Variants in XRCC1 observed in about 807,000 individuals in gnomAD.
XRCC1 encodes the protein DNA repair protein XRCC1.
XRCC1 carries 52 observed loss-of-function variants against 83.3 expected under a neutral mutation model. That is an observed-to-expected ratio of 0.62 (90% confidence interval 0.50 to 0.79). The LOEUF (loss-of-function observed/expected upper bound fraction) is 0.79, where lower values mean the gene tolerates loss of function less well. Among genes scored for constraint, XRCC1 ranks in the 30% least tolerant of loss-of-function variants. XRCC1 has a pLI of 0.00. For missense variants in XRCC1, 793 were observed against 823.5 expected (o/e 0.96, Z 0.45); for synonymous variants, 281 against 312.6 (o/e 0.90, Z 1.07).
chr19:43,543,669 CAT>C lies in XRCC1; in HGVS notation c.1729_1730del (p.Met577GlufsTer2), dbSNP rs753162451. 3 of 1,613,826 alleles carry C rather than the reference CAT, an allele frequency of 1.9e-6. No individual in the cohort carries two copies. In the African/African-American group the frequency reaches 4.0e-5, roughly 22 times the overall value. On this transcript the variant is annotated frameshift_variant, in exon 16 of 17. Coordinates refer to ENST00000262887, the MANE Select transcript of XRCC1 (RefSeq NM_006297.3). LOFTEE classifies it high-confidence loss of function. ...TAFNGELEDY[M>X]SDRVQFVITA... Reference sequence around the variant, plus strand: ...TGATCACAAACTGAACCCGGTCACTCATATAGTCCTCGAGCTCCCTGGCGGGA... The same window carrying C: ...TGATCACAAACTGAACCCGGTCACTCATAGTCCTCGAGCTCCCTGGCGGGA...
In XRCC1 at chr19:43,554,762, G is replaced by T. The variant is rs950862209; in HGVS notation, c.298C>A (p.Arg100Ser). 2 of 1,613,838 alleles carry T rather than the reference G, an allele frequency of 1.2e-6. No homozygotes were observed. Among genetic ancestry groups the T allele is most frequent in the Non-Finnish European group, 1.7e-6 (2 of 1,179,782 alleles). ...ACGCGGTTGGGGTTTGAGCCACTGC[G>T]GCTCTCGGAAGGGGACATGAAAGAT... is the stretch of plus-strand genomic sequence containing the variant. The part of the protein sequence containing the change: ...TSSFMSPSES[R>S]SGSNPNRVRM... Residue 100 changes from arginine (R) to serine (S), a missense_variant, in exon 4 of 17, where the codon CGC (arginine) becomes AGC (serine). Transcript: ENST00000262887.
intron 2 of XRCC1, among the ~76,000 whole-genome samples, chr19:43,561,775 G>GC (rs1972701886): frequency 6.6e-6 from 1 of 152,198 alleles, no homozygotes; most frequent in Non-Finnish European, 1.5e-5. Context: ...GGCCATGCGG[G>GC]CACGGGAGGC....
chr19:43,558,169 G>T (rs1972658438), intron 3 of XRCC1, among the ~76,000 whole-genome samples: 2 of 151,954 alleles, frequency 1.3e-5, no homozygotes, highest in African/African-American at 4.8e-5. Context: ...TTCTCACCTT[G>T]TCACACTGAC....
At chr19:43,561,197 G>A (rs546706878) in intron 2 of XRCC1, among the ~76,000 whole-genome samples, 177 bp from the exon 3 acceptor site, 5 of 152,138 alleles carry the variant, frequency 3.3e-5, no homozygotes, top group Non-Finnish European at 7.4e-5. Flanking sequence ...GTATGGCATG[G>A]AGCAGAAACT....
chr19:43,551,793 A>G, intron 9 of XRCC1, 106 bp from the exon 10 acceptor site: 1 of 1,052,194 alleles, frequency 9.5e-7, no homozygotes, highest in Non-Finnish European at 1.5e-6. Flanking sequence ...ACAGACAGAC[A>G]GATCATGAGA....
At chr19:43,569,556 G>A (rs1972787573) in intron 2 of XRCC1, among the ~76,000 whole-genome samples, 1 of 151,948 alleles carries the variant, frequency 6.6e-6, no homozygotes, top group African/African-American at 2.4e-5. Context: ...GCCAAGGCAG[G>A]TGGATCACTA....
chr19:43,571,657 C>A (rs1972807708), intron 2 of XRCC1, among the ~76,000 whole-genome samples: 1 of 152,198 alleles, frequency 6.6e-6, no homozygotes. Flanking sequence ...GCATAGGCCA[C>A]CACGCTTGGC....
intron 2 of XRCC1, among the ~76,000 whole-genome samples, chr19:43,570,992 C>G (rs1445833688): frequency 6.6e-6 from 1 of 152,228 alleles, no homozygotes; most frequent in Admixed American, 6.5e-5. Context: ...ATGCTGATCT[C>G]CCACTCCTGT....
chr19:43,559,774 A>C (rs1044770693), intron 3 of XRCC1, among the ~76,000 whole-genome samples: 4 of 152,032 alleles, frequency 2.6e-5, no homozygotes, highest in Non-Finnish European at 5.9e-5. Context: ...AAGTGTCATC[A>C]TAAGGGTCTT....
chr19:43,557,313 A>T (rs995729922), intron 3 of XRCC1, among the ~76,000 whole-genome samples: 1 of 151,242 alleles, frequency 6.6e-6, no homozygotes, highest in Non-Finnish European at 1.5e-5. Flanking sequence ...GTCTCAAAAA[A>T]AAAAAAAAAA....
intron 2 of XRCC1, among the ~76,000 whole-genome samples, chr19:43,564,704 C>T (rs1479381175): frequency 6.6e-6 from 1 of 151,914 alleles, no homozygotes; most frequent in African/African-American, 2.4e-5. Flanking sequence ...AGGAGAATTG[C>T]TTAAACCGGG....
At chr19:43,559,073 G>A (rs933017998) in intron 3 of XRCC1, among the ~76,000 whole-genome samples, 16 of 151,580 alleles carry the variant, frequency 1.1e-4, no homozygotes, top group East Asian at 1.9e-4. Flanking sequence ...TCTGGGAAGC[G>A]GAGGTTGCAG....
chr19:43,552,528 C>T, intron 8 of XRCC1, among the ~76,000 whole-genome samples: 1 of 144,284 alleles, frequency 6.9e-6, no homozygotes, highest in Non-Finnish European at 1.5e-5. Flanking sequence ...CTCCCTCAGA[C>T]CCAGGGATCC....
intron 2 of XRCC1, among the ~76,000 whole-genome samples, chr19:43,564,444 G>A (rs1972731907): frequency 6.6e-6 from 1 of 152,136 alleles, no homozygotes. Flanking sequence ...GGTGCTTGGT[G>A]TATGAGTTTC....
At chr19:43,558,163 C>T (rs922700930) in intron 3 of XRCC1, among the ~76,000 whole-genome samples, 2 of 152,128 alleles carry the variant, frequency 1.3e-5, no homozygotes, top group African/African-American at 2.4e-5. Context: ...TTCTTTTTCT[C>T]ACCTTGTCAC....
intron 8 of XRCC1, 23 bp from the exon 9 acceptor site, chr19:43,552,298 T>C (rs1197314760): frequency 2.6e-6 from 4 of 1,545,820 alleles, no homozygotes; most frequent in Non-Finnish European, 3.5e-6. Context: ...AAGAGTAGAT[T>C]AGGTTAGCAC....
chr19:43,553,829 G>T, intron 4 of XRCC1, 146 bp from the exon 5 acceptor site: 1 of 634,262 alleles, frequency 1.6e-6, no homozygotes, highest in South Asian at 2.5e-5. Flanking sequence ...CGATGGTGAT[G>T]ACAATTATAG....
chr19:43,572,925 TTC>T (rs1278068592), intron 2 of XRCC1, among the ~76,000 whole-genome samples: 2 of 147,828 alleles, frequency 1.4e-5, no homozygotes, highest in African/African-American at 2.5e-5. Context: ...CTGAGATCTT[TTC>T]TTTTTTTTTT....
At chr19:43,575,137 ACT>A (rs1430919716) in intron 1 of XRCC1, 135 bp from the exon 2 acceptor site, 5 of 806,120 alleles carry the variant, frequency 6.2e-6, no homozygotes, top group African/African-American at 1.7e-5. Context: ...ATCCCCCGAC[ACT>A]CTGCCTGGAG....
Sources: gnomAD v4.1 joint callset for allele counts (sites outside exome capture counted in the v4.1 genomes callset) on GRCh38, gnomAD v4.1.1 for gene constraint, MANE v1.5 for transcripts, NCBI Gene and HGNC (gene_info 2026-07-23, HGNC 2026-07-21) for gene names.